ZNF423: variants seen among roughly 807,000 people sequenced by gnomAD.
ZNF423 encodes the protein zinc finger protein 423, also known as Ebf-associated zinc finger protein.
In ZNF423, 12 loss-of-function variants were observed where a neutral mutation model predicts 95.8. The ratio of observed to expected loss-of-function variants is 0.13; its 90% CI spans 0.08 to 0.20. ZNF423 has a LOEUF of 0.20. Among genes scored for constraint, ZNF423 ranks in the 10% least tolerant of loss-of-function variants. The pLI is 1.00. For synonymous variants in ZNF423, 749 were observed against 711.9 expected (o/e 1.05, Z -0.83); for missense variants, 1,316 against 1,737.1 (o/e 0.76, Z 4.31).
At chr16:49,815,877 AAAAAATATATATATATAT>A (rs2034833461) in intron 1 of ZNF423, among the ~76,000 whole-genome samples, 4 of 64,096 alleles carry the variant, frequency 6.2e-5, no homozygotes, top group African/African-American at 1.5e-4. Flanking sequence ...AAACAAAAAA[AAAAAATATATATATATAT>A]ATATATATAT....
At chr16:49,809,022 C>G (rs1315428360) in intron 1 of ZNF423, among the ~76,000 whole-genome samples, 2 of 152,244 alleles carry the variant, frequency 1.3e-5, no homozygotes, top group Non-Finnish European at 1.5e-5. Flanking sequence ...ACACTGAGCC[C>G]TTCCTGCCCC....
chr16:49,813,937 C>T (rs1358195064), intron 1 of ZNF423, among the ~76,000 whole-genome samples: 6 of 152,216 alleles, frequency 3.9e-5, no homozygotes, highest in African/African-American at 1.2e-4. Flanking sequence ...AACCGGGAGG[C>T]CCCAGGTGGG....
intron 5 of ZNF423, among the ~76,000 whole-genome samples, chr16:49,613,681 G>C (rs1596717373): frequency 6.6e-6 from 1 of 152,312 alleles, no homozygotes; most frequent in Middle Eastern, 3.4e-3. Context: ...CTCCAGCCTG[G>C]TCGACAGAGC....
At chr16:49,626,324 T>A in intron 4 of ZNF423, 70 bp from the exon 5 acceptor site, 2 of 1,483,318 alleles carry the variant, frequency 1.3e-6, no homozygotes, top group South Asian at 2.3e-5. Context: ...CAAAAGTTCC[T>A]AGGGGGCCTG....
intron 1 of ZNF423, among the ~76,000 whole-genome samples, chr16:49,842,308 C>G (rs868585246): frequency 0.28 from 2,127 of 7,682 alleles, no homozygotes; most frequent in Middle Eastern, 0.3. Flanking sequence ...GGAGGGGAGG[C>G]GAGGGAAGGG....
intron 2 of ZNF423, among the ~76,000 whole-genome samples, chr16:49,750,931 C>T (rs920544913): frequency 2.2e-4 from 33 of 152,070 alleles, no homozygotes; most frequent in African/African-American, 7.2e-4. Context: ...CATGGAGCAT[C>T]GTGCACTCCA....
chr16:49,774,350 G>A (rs1006380751), intron 2 of ZNF423, among the ~76,000 whole-genome samples: 2 of 152,102 alleles, frequency 1.3e-5, no homozygotes, highest in South Asian at 2.1e-4. Context: ...CGCCAGACAC[G>A]GAGTAAGTGG....
chr16:49,550,399 G>A (rs2151752129), intron 5 of ZNF423, among the ~76,000 whole-genome samples: 1 of 152,324 alleles, frequency 6.6e-6, no homozygotes, highest in South Asian at 2.1e-4. Context: ...GGCTGCCTAA[G>A]TTGATTTCAT....
At chr16:49,770,669 A>G (rs2034016657) in intron 2 of ZNF423, among the ~76,000 whole-genome samples, 1 of 151,986 alleles carries the variant, frequency 6.6e-6, no homozygotes, top group South Asian at 2.1e-4. Flanking sequence ...GGGAAAGGGG[A>G]GAGAGGGTGC....
At chr16:49,597,350 C>G (rs1327129313) in intron 5 of ZNF423, among the ~76,000 whole-genome samples, 1 of 152,104 alleles carries the variant, frequency 6.6e-6, no homozygotes, top group Admixed American at 6.5e-5. Flanking sequence ...GTGGGTCTAC[C>G]CTGAGACGTG....
intron 3 of ZNF423, among the ~76,000 whole-genome samples, chr16:49,662,910 T>C (rs966974229): frequency 6.6e-6 from 1 of 152,142 alleles, no homozygotes; most frequent in Non-Finnish European, 1.5e-5. Context: ...CCTTCTAAGA[T>C]CACAGGCCAA....
Position 49,525,508 on chromosome 16 carries a change from C to A in ZNF423, c.3602-14G>T. On this transcript the variant is annotated splice_polypyrimidine_tract_variant and intron_variant, in intron 5 of 7. Coordinates refer to ENST00000563137, the MANE Select transcript of ZNF423 (RefSeq NM_001379286.1). ...TGATGCCTTCCTCTGCAAGGAAAACCCGTGACCAGTCAGTGACCAGCATGC... is the reference window on the plus strand; with the variant it reads ...TGATGCCTTCCTCTGCAAGGAAAACACGTGACCAGTCAGTGACCAGCATGC... The A allele has an allele frequency of 6.2e-7, 1 of 1,613,854 alleles. No individual in the cohort carries two copies. Among genetic ancestry groups the A allele is most frequent in the Non-Finnish European group, 8.5e-7 (1 of 1,179,922 alleles).
At chr16:49,838,421 A>C (rs2035144175) in intron 1 of ZNF423, among the ~76,000 whole-genome samples, 1 of 152,220 alleles carries the variant, frequency 6.6e-6, no homozygotes, top group South Asian at 2.1e-4. Context: ...ACGAGTGTTA[A>C]GTGCTCAGAA....
intron 7 of ZNF423, among the ~76,000 whole-genome samples, chr16:49,514,679 T>C (rs1047758145): frequency 6.6e-6 from 1 of 152,204 alleles, no homozygotes; most frequent in Non-Finnish European, 1.5e-5. Context: ...GGAAGCAGCA[T>C]GATTAGGCAC....
At chr16:49,706,596 T>G (rs991685874) in intron 3 of ZNF423, among the ~76,000 whole-genome samples, 2 of 152,150 alleles carry the variant, frequency 1.3e-5, no homozygotes, top group Non-Finnish European at 2.9e-5. Context: ...AAACACAGAA[T>G]CCAGGTGTCA....
At chr16:49,697,022 G>A (rs867180019) in intron 3 of ZNF423, among the ~76,000 whole-genome samples, 2 of 152,204 alleles carry the variant, frequency 1.3e-5, no homozygotes, top group Admixed American at 6.5e-5. Context: ...GAGGGTTGAC[G>A]CAGGAATGCA....
chr16:49,726,985 G>A (rs979524778), intron 3 of ZNF423, among the ~76,000 whole-genome samples: 4 of 151,990 alleles, frequency 2.6e-5, no homozygotes, highest in African/African-American at 4.8e-5. Context: ...GCATGCGAAC[G>A]TGTGGCATCC....
chr16:49,670,026 C>T (rs2030735983), intron 3 of ZNF423, among the ~76,000 whole-genome samples: 1 of 152,212 alleles, frequency 6.6e-6, no homozygotes, highest in South Asian at 2.1e-4. Flanking sequence ...TCTGTCCGTT[C>T]CCCTGCATCA....
intron 5 of ZNF423, among the ~76,000 whole-genome samples, chr16:49,594,115 G>C (rs529371072): frequency 6.6e-6 from 1 of 152,274 alleles, no homozygotes; most frequent in African/African-American, 2.4e-5. Context: ...CTTTCAGCTG[G>C]GGGGTAAACA....
Sources: gnomAD v4.1 joint callset for allele counts (sites outside exome capture counted in the v4.1 genomes callset) on GRCh38, gnomAD v4.1.1 for gene constraint, MANE v1.5 for transcripts, NCBI Gene and HGNC (gene_info 2026-07-23, HGNC 2026-07-21) for gene names.